The following INPP4B variants were observed in gnomAD, a reference collection of about 807,000 sequenced individuals.
INPP4B encodes inositol polyphosphate 4-phosphatase type II.
Under a neutral mutation model 122.5 loss-of-function variants are expected in INPP4B, and 55 were observed. The observed-to-expected ratio is 0.45, with a 90% confidence interval of 0.36 to 0.56. The LOEUF is 0.56. INPP4B is among the 20% of genes least tolerant of loss of function. INPP4B has a pLI of 0.00. For missense variants in INPP4B, 1,000 were observed against 1,097.7 expected (o/e 0.91, Z 1.26); for synonymous variants, 403 against 388.7 (o/e 1.04, Z -0.43).
intron 16 of INPP4B, among the ~76,000 whole-genome samples, chr4:142,168,054 T>C (rs1035246428): frequency 6.6e-6 from 1 of 151,604 alleles, no homozygotes; most frequent in African/African-American, 2.4e-5. Flanking sequence ...CTATCATTCT[T>C]GTTGGTGAAC....
intron 1 of INPP4B, among the ~76,000 whole-genome samples, chr4:142,797,271 A>G (rs1777381264): frequency 6.6e-6 from 1 of 152,016 alleles, no homozygotes; most frequent in East Asian, 1.9e-4. Flanking sequence ...ATAGGCACCC[A>G]GGTGTTCTAA....
At chr4:142,734,591 A>T (rs893777305) in intron 1 of INPP4B, among the ~76,000 whole-genome samples, 8 of 152,184 alleles carry the variant, frequency 5.3e-5, no homozygotes, top group African/African-American at 1.7e-4. Flanking sequence ...TGACATTAAG[A>T]TCCAAATTCA....
chr4:142,142,209 A>G (rs1201746218), intron 18 of INPP4B, among the ~76,000 whole-genome samples: 2 of 152,154 alleles, frequency 1.3e-5, no homozygotes, highest in Non-Finnish European at 2.9e-5. Flanking sequence ...ATTTGGGACT[A>G]TTGAAGAAAT....
intron 2 of INPP4B, among the ~76,000 whole-genome samples, chr4:142,621,435 A>G (rs1387826637): frequency 6.6e-6 from 1 of 151,974 alleles, no homozygotes; most frequent in African/African-American, 2.4e-5. Context: ...AAATTGCTTT[A>G]GATGGGTGTC....
At chr4:142,205,649 AT>A (rs1372486124) in intron 14 of INPP4B, among the ~76,000 whole-genome samples, 3 of 152,160 alleles carry the variant, frequency 2.0e-5, no homozygotes, top group Non-Finnish European at 4.4e-5. Context: ...TGAGAATGAA[AT>A]TGCTTAGAAA....
intron 18 of INPP4B, among the ~76,000 whole-genome samples, chr4:142,143,533 C>G (rs1188482723): frequency 6.6e-6 from 1 of 151,980 alleles, no homozygotes; most frequent in Non-Finnish European, 1.5e-5. Context: ...ATTGAGACAT[C>G]ACGGTGAACC....
At chr4:142,109,935 T>A (rs1480652878) in intron 22 of INPP4B, among the ~76,000 whole-genome samples, 3 of 152,158 alleles carry the variant, frequency 2.0e-5, no homozygotes, top group Non-Finnish European at 2.9e-5. Flanking sequence ...TGAGTTGAAC[T>A]TGGAGAACAG....
intron 2 of INPP4B, among the ~76,000 whole-genome samples, chr4:142,500,581 A>G (rs1459839584): frequency 6.6e-6 from 1 of 152,200 alleles, no homozygotes; most frequent in Non-Finnish European, 1.5e-5. Flanking sequence ...TTGCATGTAT[A>G]TACAACATTT....
intron 9 of INPP4B, among the ~76,000 whole-genome samples, chr4:142,303,653 G>C (rs577100354): frequency 6.6e-6 from 1 of 152,100 alleles, no homozygotes; most frequent in African/African-American, 2.4e-5. Context: ...ATTTGGCAAA[G>C]CACAAAACTG....
intron 12 of INPP4B, among the ~76,000 whole-genome samples, chr4:142,236,852 T>C (rs6818542): frequency 0.14 from 21,194 of 152,186 alleles, 1,797 homozygotes; most frequent in African/African-American, 0.24. Context: ...TGTGAGCATA[T>C]GGCAGGAACC....
At chr4:142,754,791 T>A (rs971071186) in intron 1 of INPP4B, among the ~76,000 whole-genome samples, 1 of 152,004 alleles carries the variant, frequency 6.6e-6, no homozygotes, top group African/African-American at 2.4e-5. Context: ...AGGCGTCAGA[T>A]AAAATTGCTT....
intron 11 of INPP4B, among the ~76,000 whole-genome samples, chr4:142,255,325 T>C (rs1000035460): frequency 1.7e-4 from 25 of 151,472 alleles, no homozygotes; most frequent in African/African-American, 6.1e-4. Context: ...GCTAATATCA[T>C]AATGACAGGA....
intron 25 of INPP4B, among the ~76,000 whole-genome samples, chr4:142,042,960 T>C (rs1233377081): frequency 6.6e-6 from 1 of 152,192 alleles, no homozygotes; most frequent in Non-Finnish European, 1.5e-5. Context: ...AACTATGAAC[T>C]GGCTCAACAT....
intron 9 of INPP4B, among the ~76,000 whole-genome samples, chr4:142,291,993 ATT>A: frequency 6.6e-6 from 1 of 152,264 alleles, no homozygotes; most frequent in South Asian, 2.1e-4. Context: ...TCTTTCATAT[ATT>A]ATATGTATTT....
At chr4:142,260,900 C>T (rs1014185096) in intron 10 of INPP4B, among the ~76,000 whole-genome samples, 1 of 152,174 alleles carries the variant, frequency 6.6e-6, no homozygotes, top group Admixed American at 6.5e-5. Flanking sequence ...GTATTTCTTT[C>T]ACCTGAGCTA....
intron 7 of INPP4B, among the ~76,000 whole-genome samples, chr4:142,338,005 C>T (rs1051339566): frequency 1.4e-5 from 2 of 148,132 alleles, no homozygotes; most frequent in African/African-American, 2.5e-5. Flanking sequence ...ACCAATTTTG[C>T]ACTCTAGAAG....
intron 8 of INPP4B, 79 bp downstream of exon 8, chr4:142,314,633 A>G (rs1340268553): frequency 7.5e-7 from 1 of 1,325,474 alleles, no homozygotes; most frequent in Non-Finnish European, 1.1e-6. Context: ...GTCAGTTACC[A>G]AGCAGGAGGC....
intron 1 of INPP4B, among the ~76,000 whole-genome samples, chr4:142,838,304 C>T (rs1783066739): frequency 6.6e-6 from 1 of 151,378 alleles, no homozygotes; most frequent in Non-Finnish European, 1.5e-5. Context: ...CTTTTCTCTA[C>T]TTCCCATTTT....
At chr4:142,823,597 T>G (rs1295764657) in intron 1 of INPP4B, among the ~76,000 whole-genome samples, 1 of 152,164 alleles carries the variant, frequency 6.6e-6, no homozygotes, top group East Asian at 1.9e-4. Context: ...GCTTTATTGC[T>G]GTTTATACGT....
Sources: allele counts gnomAD v4.1 joint callset (sites outside exome capture counted in the v4.1 genomes callset), GRCh38; gene constraint gnomAD v4.1.1; transcripts MANE v1.5; gene names NCBI Gene and HGNC (gene_info 2026-07-23, HGNC 2026-07-21).